MAD1L1: variants seen among roughly 807,000 people sequenced by gnomAD.
MAD1L1 encodes the protein mitotic arrest deficient 1 like 1.
A neutral mutation model predicts 96.9 loss-of-function variants in MAD1L1; 95 were observed. The ratio of observed to expected loss-of-function variants is 0.98; its 90% confidence interval spans 0.83 to 1.16. The LOEUF is 1.16. Among genes scored for constraint, MAD1L1 ranks in the 50% most tolerant of loss-of-function variants. MAD1L1 has a pLI of 0.00. For missense variants in MAD1L1, 1,007 were observed against 954.4 expected (o/e 1.06, Z -0.73); for synonymous variants, 473 against 396.6 (o/e 1.19, Z -2.29).
intron 18 of MAD1L1, among the ~76,000 whole-genome samples, chr7:1,820,856 C>G (rs553146353): frequency 6.6e-6 from 1 of 151,944 alleles, no homozygotes; most frequent in Non-Finnish European, 1.5e-5. Flanking sequence ...CCGAGGTGGG[C>G]GGATCACGAG....
rs564766226 is a variant in MAD1L1, at chr7:1,855,193, C to T, written c.1999-38965G>A. On this transcript the variant is annotated intron_variant, in intron 18 of 18. Transcript: ENST00000265854. The stretch of plus-strand genomic sequence containing the variant: ...AGCCTCCCTCATCCTTCCCGTCTCC[C>T]TCCTCTTTGGTTCCAGCTGGCGGTG... Among the ~76,000 whole-genome samples the T allele has an allele frequency of 1.6e-4, 24 of 152,268 alleles. No individual in the cohort carries two copies. The East Asian group carries it at 3.9e-3, about 24-fold the overall frequency.
At position 1,954,710 on chromosome 7, in the gene MAD1L1, A is replaced by T. The variant is rs140301474; in HGVS notation, c.1596+2919T>A. 1.1e-3 allele frequency among the ~76,000 whole-genome samples: 168 copies of T among 152,240 alleles called. 4 individuals carry two copies. The East Asian group carries it at 0.027, about 25-fold the overall frequency. On this transcript the variant is annotated intron_variant, in intron 16 of 18. Transcript: ENST00000265854. ...ACTCATTCTGCCTCCTAACATGGAGAGTCTGAGCTCCTTCCTCCTTCACAC... is the reference window on the plus strand; with the variant it reads ...ACTCATTCTGCCTCCTAACATGGAGTGTCTGAGCTCCTTCCTCCTTCACAC...
chr7:1,982,273 T>C (rs2128484732), intron 14 of MAD1L1, among the ~76,000 whole-genome samples: 1 of 152,244 alleles, frequency 6.6e-6, no homozygotes, highest in East Asian at 1.9e-4. Flanking sequence ...TCGAGTGCAG[T>C]GGTGTCATCT....
At chr7:1,915,194 G>A (rs1183986138) in intron 17 of MAD1L1, among the ~76,000 whole-genome samples, 4 of 152,192 alleles carry the variant, frequency 2.6e-5, no homozygotes, top group South Asian at 2.1e-4. Context: ...ATGGAGAGAT[G>A]AACCCCCTGC....
intron 14 of MAD1L1, among the ~76,000 whole-genome samples, chr7:1,983,154 G>GCGCACACA (rs1781001591): frequency 3.2e-5 from 1 of 31,466 alleles, no homozygotes; most frequent in African/African-American, 1.3e-4. Context: ...GCGCGCGCGC[G>GCGCACACA]CACACACACA....
intron 18 of MAD1L1, among the ~76,000 whole-genome samples, chr7:1,872,295 G>A (rs895334240): frequency 6.6e-6 from 1 of 152,232 alleles, no homozygotes; most frequent in Non-Finnish European, 1.5e-5. Flanking sequence ...CCGTTTCCCA[G>A]ATGACAGGTC....
chr7:1,954,506 G>C (rs1779637935), intron 16 of MAD1L1, among the ~76,000 whole-genome samples: 1 of 152,158 alleles, frequency 6.6e-6, no homozygotes, highest in Non-Finnish European at 1.5e-5. Context: ...TCAGGAGGTG[G>C]GGACAGGGGT....
chr7:1,962,461 A>T (rs1112057), intron 15 of MAD1L1, among the ~76,000 whole-genome samples: 2 of 152,324 alleles, frequency 1.3e-5, no homozygotes, highest in African/African-American at 4.8e-5. Context: ...GAAAAATTGG[A>T]CTTTATCATA....
At chr7:1,866,472 C>T (rs567560521) in intron 18 of MAD1L1, among the ~76,000 whole-genome samples, 15 of 152,266 alleles carry the variant, frequency 9.9e-5, no homozygotes, top group Admixed American at 7.8e-4. Context: ...GAGATGAGAG[C>T]GAGCTCCACC....
intron 18 of MAD1L1, among the ~76,000 whole-genome samples, chr7:1,834,016 T>C (rs1038412448): frequency 2.6e-5 from 4 of 152,158 alleles, no homozygotes. Flanking sequence ...AATGAGAAAT[T>C]AGTAACAGAA....
intron 15 of MAD1L1, among the ~76,000 whole-genome samples, chr7:1,978,755 C>T (rs115050018): frequency 0.04 from 6,165 of 152,228 alleles, 418 homozygotes; most frequent in African/African-American, 0.14. Context: ...GAAGAATGGC[C>T]CCCAGGTCCC....
chr7:1,879,956 T>C (rs1414829711), intron 18 of MAD1L1, among the ~76,000 whole-genome samples: 1 of 152,100 alleles, frequency 6.6e-6, no homozygotes, highest in African/African-American at 2.4e-5. Context: ...GGTCTCAATC[T>C]CCTGACCTGG....
chr7:2,084,277 A>G (rs1454910261), intron 11 of MAD1L1, among the ~76,000 whole-genome samples: 3 of 152,082 alleles, frequency 2.0e-5, no homozygotes, highest in South Asian at 2.1e-4. Flanking sequence ...TCCAGGGGGG[A>G]CAGAAAGGGC....
At chr7:1,838,945 C>T (rs1446527087) in intron 18 of MAD1L1, 3 of 402,574 alleles carry the variant, frequency 7.5e-6, no homozygotes, top group African/African-American at 2.1e-5. Flanking sequence ...TGCAAAGACA[C>T]GCCGGGCTCT....
At chr7:2,055,345 C>T (rs995682842) in intron 12 of MAD1L1, among the ~76,000 whole-genome samples, 1 of 152,132 alleles carries the variant, frequency 6.6e-6, no homozygotes, top group Non-Finnish European at 1.5e-5. Context: ...TGTGACCCGG[C>T]CCCTGTGGCC....
chr7:1,852,934 G>C (rs1301218103), intron 18 of MAD1L1, among the ~76,000 whole-genome samples: 4 of 152,176 alleles, frequency 2.6e-5, no homozygotes, highest in African/African-American at 4.8e-5. Flanking sequence ...TCATTTATCC[G>C]GGCCTTCACG....
At position 1,980,732 on chromosome 7, in the gene MAD1L1, T is replaced by TGAG. The variant is rs892917544; in HGVS notation, c.1417-192_1417-191insCTC. On this transcript the variant is annotated intron_variant, in intron 14 of 18. Coordinates refer to ENST00000265854, the MANE Select transcript of MAD1L1 (RefSeq NM_001013836.2). ...GCACTCTAACTTTGCAAACTCAAGT[T>TGAG]CTCTCATTTTTTTGTCACTTCCATC... 3 of 694,898 alleles carry TGAG rather than the reference T, an allele frequency of 4.3e-6. No homozygotes were observed. The Admixed American group carries it at 6.1e-5, about 14-fold the overall frequency. 43.0% of individuals were successfully genotyped at this position (694,898 alleles called of 1,614,324 possible). A position where few individuals can be genotyped will look rare whatever the true frequency, so the allele number is the denominator to read the frequency against.
chr7:1,817,253 C>T (rs1337119352), intron 18 of MAD1L1, among the ~76,000 whole-genome samples: 1 of 152,132 alleles, frequency 6.6e-6, no homozygotes, highest in Non-Finnish European at 1.5e-5. Context: ...TGTGGTGCGG[C>T]CACTGCAAAC....
intron 12 of MAD1L1, among the ~76,000 whole-genome samples, chr7:2,036,941 C>G (rs575933847): frequency 2.0e-5 from 3 of 152,168 alleles, no homozygotes; most frequent in Admixed American, 2.0e-4. Flanking sequence ...CTCCTGAACA[C>G]TCCTCCCAGG....
Sources: gnomAD v4.1 joint callset for allele counts (sites outside exome capture counted in the v4.1 genomes callset) on GRCh38, gnomAD v4.1.1 for gene constraint, MANE v1.5 for transcripts, NCBI Gene and HGNC (gene_info 2026-07-23, HGNC 2026-07-21) for gene names.